Variants in CSNK2A2IP observed in about 807,000 individuals in gnomAD.
CSNK2A2IP encodes casein kinase II subunit alpha'-interacting protein.
the CSNK2A2IP span, among the ~76,000 whole-genome samples, chr3:88,415,951 C>T: frequency 6.6e-6 from 1 of 151,870 alleles, no homozygotes; most frequent in African/African-American, 2.4e-5. Flanking sequence ...CCAAAGTTAG[C>T]CTCTTTGTTC....
the CSNK2A2IP span, among the ~76,000 whole-genome samples, chr3:88,368,599 CA>C: frequency 6.6e-6 from 1 of 151,898 alleles, no homozygotes; most frequent in African/African-American, 2.4e-5. Flanking sequence ...AACAAACAAA[CA>C]AAAAATTCCT....
chr3:88,411,730 T>C, the CSNK2A2IP span, among the ~76,000 whole-genome samples: 3 of 151,764 alleles, frequency 2.0e-5, no homozygotes, highest in Non-Finnish European at 4.4e-5. Context: ...TGCTAAATAC[T>C]GCTGATGAAA....
At chr3:88,375,259 T>A in the CSNK2A2IP span, among the ~76,000 whole-genome samples, 2 of 151,776 alleles carry the variant, frequency 1.3e-5, no homozygotes, top group African/African-American at 4.8e-5. Context: ...CCATCCTTTT[T>A]TGAACAGATA....
the CSNK2A2IP span, among the ~76,000 whole-genome samples, chr3:88,382,334 A>G: frequency 5.9e-5 from 9 of 152,304 alleles, no homozygotes; most frequent in South Asian, 1.9e-3. Context: ...TGAGTCTGTG[A>G]TACAGTCAGA....
At chr3:88,415,508 T>A in the CSNK2A2IP span, among the ~76,000 whole-genome samples, 1 of 151,836 alleles carries the variant, frequency 6.6e-6, no homozygotes, top group Non-Finnish European at 1.5e-5. Context: ...TTTAATCTTT[T>A]GAAATTTCCA....
the CSNK2A2IP span, among the ~76,000 whole-genome samples, chr3:88,399,439 T>A: frequency 6.6e-6 from 1 of 152,208 alleles, no homozygotes; most frequent in Non-Finnish European, 1.5e-5. Context: ...ACTCTGCTCC[T>A]GCATCCAAAG....
chr3:88,440,831 A>G, the CSNK2A2IP span, among the ~76,000 whole-genome samples: 6 of 152,154 alleles, frequency 3.9e-5, no homozygotes, highest in Non-Finnish European at 8.8e-5. Flanking sequence ...ATTTTAATAC[A>G]TTCATCCGGT....
chr3:88,357,760 A>G, the CSNK2A2IP span, among the ~76,000 whole-genome samples: 2 of 29,188 alleles, frequency 6.9e-5, no homozygotes, highest in Admixed American at 6.2e-4. Context: ...TCTTTCATCA[A>G]TGGTTTTTTT....
chr3:88,445,948 C>CCT, the CSNK2A2IP span, among the ~76,000 whole-genome samples: 1 of 102,426 alleles, frequency 9.8e-6, no homozygotes, highest in African/African-American at 3.2e-5. Context: ...CTTTCTTTCT[C>CCT]TCTCTCTCTC....
At chr3:88,428,404 C>G in the CSNK2A2IP span, among the ~76,000 whole-genome samples, 2 of 151,998 alleles carry the variant, frequency 1.3e-5, no homozygotes, top group African/African-American at 4.8e-5. Context: ...GTTAAAAGGG[C>G]ATGATTGTGT....
At chr3:88,401,816 A>T in the CSNK2A2IP span, among the ~76,000 whole-genome samples, 1 of 152,112 alleles carries the variant, frequency 6.6e-6, no homozygotes, top group East Asian at 1.9e-4. Context: ...ACACAGGGAA[A>T]AAAAGGATAT....
chr3:88,366,820 A>G, the CSNK2A2IP span, among the ~76,000 whole-genome samples: 1 of 152,192 alleles, frequency 6.6e-6, no homozygotes, highest in African/African-American at 2.4e-5. Context: ...TTATAAAGAA[A>G]AAGAGGTTTA....
chr3:88,421,039 C>T, the CSNK2A2IP span, among the ~76,000 whole-genome samples: 1 of 152,110 alleles, frequency 6.6e-6, no homozygotes, highest in African/African-American at 2.4e-5. Flanking sequence ...GAACCTTTCT[C>T]ATTATCATGT....
chr3:88,450,533 A>T, the CSNK2A2IP span, among the ~76,000 whole-genome samples: 1 of 152,176 alleles, frequency 6.6e-6, no homozygotes, highest in African/African-American at 2.4e-5. Context: ...AAAGGAGATC[A>T]TACAATAATT....
At chr3:88,368,972 G>A in the CSNK2A2IP span, among the ~76,000 whole-genome samples, 1 of 151,904 alleles carries the variant, frequency 6.6e-6, no homozygotes, top group African/African-American at 2.4e-5. Flanking sequence ...AATCACTGGT[G>A]GGGGAAAGAT....
At chr3:88,367,205 C>A in the CSNK2A2IP span, among the ~76,000 whole-genome samples, 1 of 152,038 alleles carries the variant, frequency 6.6e-6, no homozygotes, top group Non-Finnish European at 1.5e-5. Flanking sequence ...TCAAAAGGAC[C>A]TTCCCGATAT....
the CSNK2A2IP span, among the ~76,000 whole-genome samples, chr3:88,384,148 T>C: frequency 5.3e-5 from 8 of 152,070 alleles, no homozygotes; most frequent in Non-Finnish European, 1.0e-4. Flanking sequence ...GTAAATAAGA[T>C]AGATAAGTCC....
chr3:88,466,034 T>C, the CSNK2A2IP span: 2 of 1,231,678 alleles, frequency 1.6e-6, no homozygotes, highest in Non-Finnish European at 1.0e-6. Context: ...ACATCCTCAT[T>C]GGACTACCTT....
the CSNK2A2IP span, among the ~76,000 whole-genome samples, chr3:88,421,012 C>T: frequency 6.6e-6 from 1 of 152,120 alleles, no homozygotes; most frequent in East Asian, 1.9e-4. Context: ...AGGGGGAATT[C>T]ATGCAGGATA....
Sources: allele counts gnomAD v4.1 joint callset (sites outside exome capture counted in the v4.1 genomes callset), GRCh38; gene constraint gnomAD v4.1.1; transcripts MANE v1.5; gene names NCBI Gene and HGNC (gene_info 2026-07-23, HGNC 2026-07-21).